EVC2: variants seen among roughly 807,000 people sequenced by gnomAD.
EVC2 encodes EvC ciliary complex subunit 2, also known as limbin.
Under a neutral mutation model 149.3 loss-of-function variants are expected in EVC2, and 148 were observed. The observed-to-expected ratio is 0.99, with a 90% confidence interval of 0.87 to 1.14. The LOEUF (loss-of-function observed/expected upper bound fraction) is 1.14, where lower values mean the gene tolerates loss of function less well. Ranked by LOEUF, EVC2 falls within the 50% of genes most tolerant of loss-of-function variation. The pLI is 0.00. For synonymous variants in EVC2, 776 were observed against 649.9 expected (o/e 1.19, Z -2.95); for missense variants, 1,854 against 1,627.3 (o/e 1.14, Z -2.40).
chr4:5,647,820 T>A (rs1258165459), intron 9 of EVC2, among the ~76,000 whole-genome samples: 3 of 152,232 alleles, frequency 2.0e-5, no homozygotes, highest in East Asian at 3.9e-4. Context: ...AAGATTGAGA[T>A]CAAGAACAAG....
intron 3 of EVC2, 46 bp from the exon 4 acceptor site, chr4:5,691,379 G>A (rs1350866587): frequency 6.7e-7 from 1 of 1,484,340 alleles, no homozygotes; most frequent in Admixed American, 1.7e-5. Flanking sequence ...AATATTTCAT[G>A]CTATACATAT....
chr4:5,675,253 T>C (rs1386395903), intron 7 of EVC2, among the ~76,000 whole-genome samples: 4 of 152,206 alleles, frequency 2.6e-5, no homozygotes, highest in African/African-American at 4.8e-5. Flanking sequence ...TGTACCTAAA[T>C]CCAGTTTTCT....
At chr4:5,693,366 C>A (rs1721257071) in intron 3 of EVC2, among the ~76,000 whole-genome samples, 1 of 152,216 alleles carries the variant, frequency 6.6e-6, no homozygotes. Context: ...TCATCCTGGA[C>A]TATCCAGGTG....
In EVC2 at chr4:5,694,316, C is replaced by G; in HGVS notation, c.450+19G>C. 2 of 1,612,598 alleles carry G rather than the reference C, an allele frequency of 1.2e-6. No homozygotes were observed. Among genetic ancestry groups the G allele is most frequent in the Middle Eastern group, 1.7e-4 (1 of 5,728 alleles). On this transcript the variant is annotated intron_variant, in intron 3 of 21. Transcript: ENST00000344408. Reference sequence around the variant, plus strand: ...CCAACTTCTGGTATTTGTGTTAAAGCATTGAACTTAATACTTACCAGGCGG... The same window carrying G: ...CCAACTTCTGGTATTTGTGTTAAAGGATTGAACTTAATACTTACCAGGCGG...
intron 10 of EVC2, among the ~76,000 whole-genome samples, chr4:5,632,291 C>T (rs577128956): frequency 1.3e-5 from 2 of 152,286 alleles, no homozygotes; most frequent in East Asian, 3.9e-4. Context: ...ACACACAGAA[C>T]TTGCACACAC....
At chr4:5,595,617 C>G (rs1431455021) in intron 16 of EVC2, among the ~76,000 whole-genome samples, 1 of 152,054 alleles carries the variant, frequency 6.6e-6, no homozygotes, top group Non-Finnish European at 1.5e-5. Context: ...CAAAATCAAG[C>G]CAAATTGTAA....
intron 19 of EVC2, among the ~76,000 whole-genome samples, chr4:5,573,287 A>G (rs972485311): frequency 6.6e-6 from 1 of 152,194 alleles, no homozygotes; most frequent in Non-Finnish European, 1.5e-5. Context: ...GAAAGTGGTT[A>G]TCTTAGATTA....
chr4:5,689,905 T>C (rs1165911496), intron 4 of EVC2, among the ~76,000 whole-genome samples: 1 of 152,186 alleles, frequency 6.6e-6, no homozygotes, highest in Non-Finnish European at 1.5e-5. Flanking sequence ...TTGCCCTGCC[T>C]TCCTCTCTAA....
intron 6 of EVC2, among the ~76,000 whole-genome samples, chr4:5,684,892 G>A (rs1220973393): frequency 4.6e-5 from 7 of 152,124 alleles, no homozygotes; most frequent in African/African-American, 1.7e-4. Context: ...GGAAGACACA[G>A]GGAGAAGGCA....
At position 5,665,623 on chromosome 4, in the gene EVC2, T is replaced by G. The variant is rs763124334; in HGVS notation, c.897A>C (p.Ala299=). The part of the protein sequence containing the change: ...VTVLPHHGLH[A]AGFFIAFLLS... ...GGAGGAAGGCAATGAAGAACCCTGC[T>G]GCGTGGAGGCCGTGGTGCGGCAGAA... is the stretch of plus-strand genomic sequence containing the variant. Residue 299 remains alanine, a synonymous_variant, in exon 8 of 22, where the codon GCA becomes GCC. Transcript: ENST00000344408. 1.2e-5 allele frequency: 20 copies of G among 1,614,118 alleles called. No individual in the cohort carries two copies. Among genetic ancestry groups the G allele is most frequent in the Non-Finnish European group, 1.5e-5 (18 of 1,180,048 alleles).
chr4:5,650,545 G>A (rs78676796), intron 9 of EVC2, among the ~76,000 whole-genome samples: 3,834 of 147,250 alleles, frequency 0.026, 173 homozygotes, highest in African/African-American at 0.091. Flanking sequence ...TACATCAAAC[G>A]AAAGTCACTG....
chr4:5,667,441 GGTTT>G (rs979519930), intron 7 of EVC2, among the ~76,000 whole-genome samples: 1 of 152,006 alleles, frequency 6.6e-6, no homozygotes, highest in African/African-American at 2.4e-5. Context: ...GACTGCTGAG[GGTTT>G]GTCAACCCAA....
chr4:5,691,486 C>A (rs190373361), intron 3 of EVC2, among the ~76,000 whole-genome samples, 153 bp from the exon 4 acceptor site: 8 of 152,186 alleles, frequency 5.3e-5, no homozygotes, highest in Admixed American at 2.6e-4. Context: ...TTTAAAAGAG[C>A]ATTAAAGGAT....
intron 2 of EVC2, among the ~76,000 whole-genome samples, chr4:5,695,518 G>C (rs868710422): frequency 6.6e-6 from 1 of 152,176 alleles, no homozygotes; most frequent in Non-Finnish European, 1.5e-5. Context: ...CCCAGGTGCT[G>C]ATCAACTGTG....
chr4:5,643,643 G>A (rs1428433919), intron 9 of EVC2, among the ~76,000 whole-genome samples: 1 of 152,188 alleles, frequency 6.6e-6, no homozygotes, highest in Non-Finnish European at 1.5e-5. Context: ...AAAACAGGCT[G>A]GGTGCAGTGG....
At chr4:5,663,448 A>T (rs1309593252) in intron 8 of EVC2, among the ~76,000 whole-genome samples, 1 of 152,222 alleles carries the variant, frequency 6.6e-6, no homozygotes, top group East Asian at 1.9e-4. Flanking sequence ...TCATAATTCT[A>T]CTAGCCCTGC....
chr4:5,561,092 C>T (rs1721937051), downstream of EVC2, among the ~76,000 whole-genome samples: 1 of 152,148 alleles, frequency 6.6e-6, no homozygotes, highest in African/African-American at 2.4e-5. Context: ...TAATTTTAAG[C>T]CATTTTTTGA....
intron 2 of EVC2, among the ~76,000 whole-genome samples, chr4:5,695,093 T>C (rs1721383825): frequency 6.6e-6 from 1 of 152,066 alleles, no homozygotes; most frequent in Non-Finnish European, 1.5e-5. Context: ...CTGACACCTG[T>C]AATCCTAGCA....
In EVC2 at chr4:5,545,567, G is replaced by A. The variant is rs575316464; in HGVS notation, c.3420-2355C>T. Among the ~76,000 whole-genome samples, 35 of 152,316 alleles carry A rather than the reference G, an allele frequency of 2.3e-4. 1 individual carries two copies. The highest frequency in any genetic ancestry group is 3.4e-3 in the Middle Eastern group (1 of 294). ...ACAGGAGCTTCCTCTCCCTGCAAGA[G>A]AAGAGGCTGGACCATCTCTGGTTCC... On this transcript the variant is annotated intron_variant and NMD_transcript_variant, in intron 21 of 22. Transcript: ENST00000475313.
Sources: allele counts gnomAD v4.1 joint callset (sites outside exome capture counted in the v4.1 genomes callset), GRCh38; gene constraint gnomAD v4.1.1; transcripts MANE v1.5; gene names NCBI Gene and HGNC (gene_info 2026-07-23, HGNC 2026-07-21).